Variants in FAM161A observed in about 807,000 individuals in gnomAD.
The protein encoded by FAM161A is protein FAM161A.
A neutral mutation model predicts 70.9 loss-of-function variants in FAM161A; 57 were observed. The observed-to-expected ratio is 0.80, with a 90% CI of 0.65 to 1.00. FAM161A has a LOEUF of 1.00. Among genes scored for constraint, FAM161A ranks in the 50% least tolerant of loss-of-function variants. The pLI is 0.00. For missense variants in FAM161A, 880 were observed against 836.0 expected, an observed-to-expected ratio of 1.05 and a Z score of -0.65; for synonymous variants, 299 against 295.7, an observed-to-expected ratio of 1.01 and a Z score of -0.12.
intron 2 of FAM161A, among the ~76,000 whole-genome samples, chr2:61,841,426 C>G (rs1025047719): frequency 6.6e-6 from 1 of 152,182 alleles, no homozygotes; most frequent in Non-Finnish European, 1.5e-5. Flanking sequence ...ACTTATTCCT[C>G]CTCCAAGACT....
At chr2:61,818,239 A>G in the FAM161A span, among the ~76,000 whole-genome samples, 1 of 152,148 alleles carries the variant, frequency 6.6e-6, no homozygotes, top group East Asian at 1.9e-4. Flanking sequence ...TATTTTCAGT[A>G]GAGATGGGAT....
the FAM161A span, among the ~76,000 whole-genome samples, chr2:61,804,768 G>GGAAAGAAAGAA: frequency 8.4e-6 from 1 of 119,038 alleles, no homozygotes; most frequent in South Asian, 3.1e-4. Flanking sequence ...GAAAAAGAAA[G>GGAAAGAAAGAA]AGAAAGAAAG....
the FAM161A span, among the ~76,000 whole-genome samples, chr2:61,806,216 T>G: frequency 6.6e-6 from 1 of 152,164 alleles, no homozygotes; most frequent in South Asian, 2.1e-4. Flanking sequence ...AGATCCGTGA[T>G]CCGTCTCAAA....
At chr2:61,848,230 A>G (rs760235214) in intron 1 of FAM161A, among the ~76,000 whole-genome samples, 1 of 152,206 alleles carries the variant, frequency 6.6e-6, no homozygotes, top group African/African-American at 2.4e-5. Context: ...TAGCTTCTGA[A>G]AGATGCGGCA....
intron 3 of FAM161A, among the ~76,000 whole-genome samples, chr2:61,839,002 C>T (rs1290475140): frequency 6.6e-6 from 1 of 151,564 alleles, no homozygotes; most frequent in Admixed American, 6.6e-5. Flanking sequence ...CCTGCCTCAG[C>T]CTCCTGAGTA....
the FAM161A span, among the ~76,000 whole-genome samples, chr2:61,818,735 C>T: frequency 2.6e-5 from 4 of 152,114 alleles, no homozygotes; most frequent in Admixed American, 2.6e-4. Flanking sequence ...AGAAAATGAC[C>T]ATTTTGCAAC....
chr2:61,851,199 C>G (rs1673485933), intron 1 of FAM161A, among the ~76,000 whole-genome samples: 1 of 152,064 alleles, frequency 6.6e-6, no homozygotes, highest in African/African-American at 2.4e-5. Context: ...TGTCTGATTT[C>G]CCTCACCAGA....
chr2:61,835,226 T>A (rs913829626), intron 5 of FAM161A, among the ~76,000 whole-genome samples: 2 of 152,216 alleles, frequency 1.3e-5, no homozygotes, highest in African/African-American at 2.4e-5. Context: ...ATTCACAATT[T>A]AGAACCTGTA....
chr2:61,844,961 G>A (rs1673152307), intron 1 of FAM161A, among the ~76,000 whole-genome samples: 1 of 152,172 alleles, frequency 6.6e-6, no homozygotes, highest in Non-Finnish European at 1.5e-5. Context: ...GATCAGGGAG[G>A]CAGTGAAAAA....
At chr2:61,844,770 T>C (rs1167907583) in intron 1 of FAM161A, among the ~76,000 whole-genome samples, 3 of 152,148 alleles carry the variant, frequency 2.0e-5, no homozygotes, top group Non-Finnish European at 4.4e-5. Context: ...AGGACATGTA[T>C]ATAAATAATA....
chr2:61,830,376 C>T (rs1245182668), intron 5 of FAM161A, among the ~76,000 whole-genome samples: 1 of 151,904 alleles, frequency 6.6e-6, no homozygotes, highest in African/African-American at 2.4e-5. Context: ...TGGGTACACA[C>T]AGATATGAAG....
intron 4 of FAM161A, chr2:61,836,850 A>G: frequency 4.0e-6 from 1 of 250,870 alleles, no homozygotes; most frequent in Non-Finnish European, 8.8e-6. Flanking sequence ...CTGGGATTAC[A>G]GGCATGAGCC....
the FAM161A span, among the ~76,000 whole-genome samples, chr2:61,815,558 T>C: frequency 7.6e-6 from 1 of 131,682 alleles, no homozygotes; most frequent in Non-Finnish European, 1.6e-5. Context: ...TTTTTTTTTT[T>C]TTTTTTTTTT....
chr2:61,849,374 A>G (rs1331071122), intron 1 of FAM161A, among the ~76,000 whole-genome samples: 1 of 151,248 alleles, frequency 6.6e-6, no homozygotes, highest in Non-Finnish European at 1.5e-5. Context: ...GTATGGTGGC[A>G]TATACTTCTA....
rs551873026 is a variant in FAM161A, at chr2:61,840,625, A to G, written c.423-44T>C. The stretch of plus-strand genomic sequence containing the variant: ...TATGTTATACTTTCAGTTGTATGTG[A>G]CCAAATATAAAAATTAAGAGTTACA... On this transcript the variant is annotated intron_variant, in intron 2 of 6. Coordinates refer to ENST00000404929, the MANE Select transcript of FAM161A (RefSeq NM_001201543.2). The G allele has an allele frequency of 8.0e-6, 11 of 1,368,028 alleles. No individual in the cohort carries two copies. In the South Asian group the frequency reaches 1.2e-4, roughly 15 times the overall value. The allele number at this position is 1,368,028 out of a possible 1,614,324, so 84.7% of individuals were successfully genotyped here. A position where few individuals can be genotyped will look rare whatever the true frequency, so the allele number is the denominator to read the frequency against.
chr2:61,820,196 C>A, downstream of FAM161A: 1 of 549,130 alleles, frequency 1.8e-6, no homozygotes, highest in Admixed American at 3.0e-5. Context: ...CTTCCCACTG[C>A]TGTCATGTCT....
chr2:61,833,379 T>C (rs948744134), intron 5 of FAM161A, among the ~76,000 whole-genome samples: 6 of 150,340 alleles, frequency 4.0e-5, no homozygotes, highest in Non-Finnish European at 8.8e-5. Flanking sequence ...TGAGCTGAGA[T>C]TGTGACACTG....
At chr2:61,802,080 C>T in the FAM161A span, among the ~76,000 whole-genome samples, 4 of 152,176 alleles carry the variant, frequency 2.6e-5, no homozygotes, top group Admixed American at 6.5e-5. Flanking sequence ...CTGGGTAAAA[C>T]TTATTAATCC....
intron 5 of FAM161A, among the ~76,000 whole-genome samples, chr2:61,833,136 T>C (rs1321199178): frequency 6.6e-6 from 1 of 151,750 alleles, no homozygotes; most frequent in Non-Finnish European, 1.5e-5. Flanking sequence ...TTAAAGGAAA[T>C]GTGATGGGCC....
Sources: gnomAD v4.1 joint callset for allele counts (sites outside exome capture counted in the v4.1 genomes callset) on GRCh38, gnomAD v4.1.1 for gene constraint, MANE v1.5 for transcripts, NCBI Gene and HGNC (gene_info 2026-07-23, HGNC 2026-07-21) for gene names.